NFIB: variants seen among roughly 807,000 people sequenced by gnomAD.
The protein encoded by NFIB is nuclear factor I B.
A neutral mutation model predicts 61.5 loss-of-function variants in NFIB; 11 were observed. The observed-to-expected ratio is 0.18, with a 90% CI of 0.11 to 0.30. NFIB has a LOEUF of 0.30. Ranked by LOEUF, NFIB falls within the 10% of genes least tolerant of loss-of-function variation. The pLI is 1.00. For missense variants in NFIB, 471 were observed against 608.9 expected, an observed-to-expected ratio of 0.77 and a Z score of 2.38; for synonymous variants, 260 against 216.5, an observed-to-expected ratio of 1.20 and a Z score of -1.76.
Position 14,150,230 on chromosome 9 carries a change from T to C in NFIB, c.721A>G (p.Ile241Val), listed in dbSNP as rs775490248. 9.3e-6 allele frequency: 15 copies of C among 1,613,390 alleles called. No homozygotes were observed. Among genetic ancestry groups the C allele is most frequent in the East Asian group, 6.7e-5 (3 of 44,870 alleles). Residue 241 changes from isoleucine (I) to valine (V), a missense_variant, in exon 5 of 11, where the codon ATT (isoleucine) becomes GTT (valine). By Grantham distance (29) the Ile-to-Val change is conservative. Around this residue, in one of 2 missense-constraint regions of NFIB, gnomAD observed 372 missense variants for 395.6 expected, o/e 0.94. Coordinates refer to ENST00000380953, the MANE Select transcript of NFIB (RefSeq NM_001190737.2). ...TATGGTTGGCTTGGGATTTCTCCAA[T>C]TGGGAAGTTGACTCCAGTTCCCTGG... The part of the protein sequence containing the change: ...ITQGTGVNFP[I>V]GEIPSQPYYH...
upstream of NFIB, among the ~76,000 whole-genome samples, chr9:14,402,723 A>T (rs2061754885): frequency 6.6e-6 from 1 of 152,200 alleles, no homozygotes; most frequent in African/African-American, 2.4e-5. Flanking sequence ...AACTTTGCAA[A>T]GCATTTTGCT....
intron 2 of NFIB, among the ~76,000 whole-genome samples, chr9:14,253,504 C>T (rs1013234475): frequency 1.1e-4 from 16 of 152,076 alleles, no homozygotes; most frequent in African/African-American, 3.6e-4. Flanking sequence ...AGTGAGATTT[C>T]GATCCTTTGG....
chr9:14,336,771 G>A (rs1444215803), intron 1 of NFIB, among the ~76,000 whole-genome samples: 1 of 151,450 alleles, frequency 6.6e-6, no homozygotes, highest in Non-Finnish European at 1.5e-5. Flanking sequence ...TTTATTTTGT[G>A]CTTTTTTCCC....
chr9:14,263,424 G>A (rs2056953954), intron 2 of NFIB, among the ~76,000 whole-genome samples: 2 of 152,006 alleles, frequency 1.3e-5, no homozygotes, highest in Non-Finnish European at 2.9e-5. Context: ...ACGTACTCTT[G>A]TTTTTAAAAG....
At chr9:14,110,460 T>A (rs1235968877) in intron 10 of NFIB, among the ~76,000 whole-genome samples, 1 of 152,094 alleles carries the variant, frequency 6.6e-6, no homozygotes, top group East Asian at 1.9e-4. Flanking sequence ...CTTTCTAATT[T>A]TGAATTTCTC....
chr9:14,180,972 C>T (rs1009413100), intron 2 of NFIB, among the ~76,000 whole-genome samples: 3 of 152,180 alleles, frequency 2.0e-5, no homozygotes, highest in African/African-American at 4.8e-5. Flanking sequence ...CAAGTCTCTT[C>T]CCCCAAACCT....
At chr9:14,391,676 A>G (rs2061624467) in intron 1 of NFIB, among the ~76,000 whole-genome samples, 1 of 152,260 alleles carries the variant, frequency 6.6e-6, no homozygotes, top group African/African-American at 2.4e-5. Context: ...CAAAGTGCTG[A>G]CAGGCCACTG....
intron 3 of NFIB, among the ~76,000 whole-genome samples, chr9:14,162,279 CACTT>C (rs1372305282): frequency 6.6e-6 from 1 of 151,890 alleles, no homozygotes; most frequent in Non-Finnish European, 1.5e-5. Flanking sequence ...AAAAAGTACT[CACTT>C]ATTCCTAGTT....
chr9:14,156,506 T>C (rs1246051644), intron 3 of NFIB, among the ~76,000 whole-genome samples: 2 of 152,200 alleles, frequency 1.3e-5, no homozygotes, highest in Non-Finnish European at 2.9e-5. Context: ...TCCTCACCCT[T>C]GCTACTATTC....
At chr9:14,142,134 T>G (rs1027692695) in intron 6 of NFIB, among the ~76,000 whole-genome samples, 1 of 152,168 alleles carries the variant, frequency 6.6e-6, no homozygotes, top group Non-Finnish European at 1.5e-5. Context: ...CTGAGTGATA[T>G]GGTTTAGCTG....
At chr9:14,118,718 T>C (rs2038503698) in intron 8 of NFIB, among the ~76,000 whole-genome samples, 1 of 151,804 alleles carries the variant, frequency 6.6e-6, no homozygotes. Flanking sequence ...TATACACGGT[T>C]CCTATTATAC....
At chr9:14,525,712 A>C in the NFIB span, among the ~76,000 whole-genome samples, 1 of 152,200 alleles carries the variant, frequency 6.6e-6, no homozygotes, top group Non-Finnish European at 1.5e-5. Flanking sequence ...ACAATTTGAA[A>C]TGGAAAATCC....
chr9:14,278,777 T>A (rs561633852), intron 2 of NFIB, among the ~76,000 whole-genome samples: 57 of 152,100 alleles, frequency 3.7e-4, no homozygotes, highest in African/African-American at 1.2e-3. Context: ...TGGGGGAAAA[T>A]AATTCCAGTC....
At chr9:14,168,432 G>A (rs1448127455) in intron 3 of NFIB, among the ~76,000 whole-genome samples, 1 of 152,176 alleles carries the variant, frequency 6.6e-6, no homozygotes, top group Non-Finnish European at 1.5e-5. Context: ...AGGTGACAAG[G>A]GAGTACAAGC....
the NFIB span, among the ~76,000 whole-genome samples, chr9:14,523,215 T>C: frequency 1.3e-5 from 2 of 152,098 alleles, no homozygotes; most frequent in Non-Finnish European, 2.9e-5. Flanking sequence ...CTGCAGAGTT[T>C]ATAATACCTG....
chr9:14,410,182 G>T, the NFIB span, among the ~76,000 whole-genome samples: 1 of 146,506 alleles, frequency 6.8e-6, no homozygotes, highest in South Asian at 2.2e-4. Flanking sequence ...TTTCTTTCTT[G>T]ATACCTACTA....
rs185699181 is a variant in NFIB at position 14,260,326 on chromosome 9, A to G, written c.562+46663T>C. The stretch of plus-strand genomic sequence containing the variant: ...TGTATAAATGCAGAGGCCCAATCCA[A>G]GCACTCACTATGACTCACCAAGGAC... On this transcript the variant is annotated intron_variant, in intron 2 of 10. Transcript: ENST00000380953. 2.6e-3 allele frequency among the ~76,000 whole-genome samples: 395 copies of G among 152,332 alleles called. 3 individuals are homozygous for G. Among genetic ancestry groups the G allele is most frequent in the Admixed American group, 0.023 (356 of 15,300 alleles).
chr9:14,403,827 C>T (rs1298830249), upstream of NFIB, among the ~76,000 whole-genome samples: 1 of 152,002 alleles, frequency 6.6e-6, no homozygotes, highest in Admixed American at 6.6e-5. Context: ...ATTCACATTC[C>T]CAGGAAGGAA....
intron 9 of NFIB, among the ~76,000 whole-genome samples, chr9:14,113,817 C>T (rs1184322574): frequency 6.6e-6 from 1 of 152,058 alleles, no homozygotes; most frequent in African/African-American, 2.4e-5. Flanking sequence ...GGTGACTATT[C>T]CTTACATTGT....
Sources: gnomAD v4.1 joint callset for allele counts (sites outside exome capture counted in the v4.1 genomes callset) on GRCh38, gnomAD v4.1.1 for gene constraint, gnomAD v4.1.1 regional missense constraint, MANE v1.5 for transcripts, NCBI Gene and HGNC (gene_info 2026-07-23, HGNC 2026-07-21) for gene names.